KIAA1217: variants seen among roughly 807,000 people sequenced by gnomAD.
KIAA1217 encodes the protein sickle tail protein homolog.
A neutral mutation model predicts 163.9 loss-of-function variants in KIAA1217; 88 were observed. The ratio of observed to expected loss-of-function variants is 0.54; its 90% CI spans 0.45 to 0.64. The LOEUF (loss-of-function observed/expected upper bound fraction) is 0.64, where lower values mean the gene tolerates loss of function less well. KIAA1217 is among the 30% of genes least tolerant of loss of function. The pLI, the probability that KIAA1217 is intolerant of heterozygous loss-of-function variation, is 0.00. For missense variants in KIAA1217, 2,372 were observed against 2,475.0 expected (o/e 0.96, Z 0.88); for synonymous variants, 903 against 923.1 (o/e 0.98, Z 0.39).
chr10:23,937,753 A>G (rs1843593347), intron 1 of KIAA1217, among the ~76,000 whole-genome samples: 3 of 152,272 alleles, frequency 2.0e-5, no homozygotes, highest in South Asian at 4.1e-4. Flanking sequence ...TACCTTCCCA[A>G]TAAAAACAAC....
At chr10:24,147,264 A>T (rs938846890) in intron 2 of KIAA1217, among the ~76,000 whole-genome samples, 3 of 152,152 alleles carry the variant, frequency 2.0e-5, no homozygotes, top group African/African-American at 7.2e-5. Context: ...TTATTTTTGC[A>T]GTTCAGTGGG....
At chr10:24,010,252 C>G (rs1217187521) in intron 2 of KIAA1217, among the ~76,000 whole-genome samples, 1 of 151,688 alleles carries the variant, frequency 6.6e-6, no homozygotes, top group Non-Finnish European at 1.5e-5. Flanking sequence ...GTCTCAATGG[C>G]TCTGTATCCC....
At chr10:24,537,033 A>C in intron 17 of KIAA1217, 140 bp downstream of exon 17, 1 of 978,602 alleles carries the variant, frequency 1.0e-6, no homozygotes, top group East Asian at 2.7e-5. Context: ...AGACACAGGC[A>C]TAGGTTAAAA....
chr10:24,413,304 G>C (rs895075310), intron 3 of KIAA1217, among the ~76,000 whole-genome samples: 8 of 152,128 alleles, frequency 5.3e-5, no homozygotes, highest in African/African-American at 1.9e-4. Context: ...TCCTGTCTCA[G>C]CCTCCCGAGT....
intron 2 of KIAA1217, among the ~76,000 whole-genome samples, chr10:24,246,375 A>C (rs1276802057): frequency 2.0e-5 from 3 of 152,330 alleles, no homozygotes; most frequent in African/African-American, 2.4e-5. Flanking sequence ...GTATCTGTGC[A>C]TGTGGGAACG....
chr10:24,071,835 A>G (rs561463322), intron 2 of KIAA1217, among the ~76,000 whole-genome samples: 22 of 152,340 alleles, frequency 1.4e-4, no homozygotes, highest in African/African-American at 5.0e-4. Flanking sequence ...ATGGGGAACT[A>G]TAACACAGAG....
intron 1 of KIAA1217, among the ~76,000 whole-genome samples, chr10:23,857,268 A>G (rs1319848251): frequency 6.6e-6 from 1 of 152,222 alleles, no homozygotes; most frequent in Non-Finnish European, 1.5e-5. Context: ...AGAACATCTT[A>G]TTCCTCAGAC....
chr10:24,436,757 C>CAAAAAAAAAAAAA (rs10560676), intron 4 of KIAA1217, among the ~76,000 whole-genome samples: 6 of 70,868 alleles, frequency 8.5e-5, no homozygotes, highest in Admixed American at 2.2e-4. Flanking sequence ...GACTCCGTCT[C>CAAAAAAAAAAAAA]AAAAAAAAAA....
chr10:23,759,881 C>G (rs1228819718), intron 1 of KIAA1217, among the ~76,000 whole-genome samples: 5 of 152,142 alleles, frequency 3.3e-5, no homozygotes, highest in Admixed American at 2.6e-4. Flanking sequence ...TATATCCACA[C>G]CTACATCATG....
At chr10:23,894,975 G>T (rs929622486) in intron 1 of KIAA1217, among the ~76,000 whole-genome samples, 5 of 151,988 alleles carry the variant, frequency 3.3e-5, no homozygotes, top group South Asian at 2.1e-4. Context: ...CCTTACACCT[G>T]ATACAAAAAT....
At chr10:24,470,468 G>C (rs2063389675) in intron 5 of KIAA1217, among the ~76,000 whole-genome samples, 1 of 152,200 alleles carries the variant, frequency 6.6e-6, no homozygotes, top group Non-Finnish European at 1.5e-5. Context: ...CGCACCTGGA[G>C]CCTGACCTCG....
intron 1 of KIAA1217, among the ~76,000 whole-genome samples, chr10:23,932,675 C>T (rs1455778241): frequency 6.6e-6 from 1 of 152,106 alleles, no homozygotes; most frequent in Non-Finnish European, 1.5e-5. Context: ...CTGACATTTA[C>T]TATTTGTTTT....
At chr10:23,808,034 C>T (rs967044083) in intron 1 of KIAA1217, among the ~76,000 whole-genome samples, 3 of 152,278 alleles carry the variant, frequency 2.0e-5, no homozygotes, top group East Asian at 1.9e-4. Flanking sequence ...CTGGTGCCAT[C>T]GGAAAAAGAT....
rs111349025 is a variant in KIAA1217 at position 24,434,181 on chromosome 10, C to T, written c.752+988C>T. ...CCTCCCAAGTAGCTGGGATTACAGG[C>T]GCCCACCACCAGGCCCAGCTAATTT... On this transcript the variant is annotated intron_variant, in intron 4 of 20. Transcript: ENST00000376454. Among the ~76,000 whole-genome samples, 14 of 151,930 alleles carry T rather than the reference C, an allele frequency of 9.2e-5. 1 individual carries two copies. The highest frequency in any genetic ancestry group is 2.4e-4 in the African/African-American group (10 of 41,442).
intron 1 of KIAA1217, among the ~76,000 whole-genome samples, chr10:23,898,798 A>G (rs1219520359): frequency 6.6e-6 from 1 of 151,506 alleles, no homozygotes; most frequent in Non-Finnish European, 1.5e-5. Flanking sequence ...GAATTTGACT[A>G]CTCTATATAC....
intron 1 of KIAA1217, among the ~76,000 whole-genome samples, chr10:23,720,650 C>G (rs1358899778): frequency 6.6e-6 from 1 of 152,176 alleles, no homozygotes; most frequent in Non-Finnish European, 1.5e-5. Flanking sequence ...TGGTTACTTC[C>G]TCTCCATCTT....
Position 24,201,770 on chromosome 10 carries a change from AC to A in KIAA1217, c.-170-17855del, listed in dbSNP as rs760658072. ...AATAAAATCACTGTAAAAATACTTA[AC>A]TTCTGAAGCACGTGACTGGCTTTCA... is the stretch of plus-strand genomic sequence containing the variant. On this transcript the variant is annotated intron_variant, in intron 2 of 18. Transcript: ENST00000376462. Among the ~76,000 whole-genome samples, 137 of 152,284 alleles carry A rather than the reference AC, an allele frequency of 9.0e-4. No individual in the cohort carries two copies. In the Middle Eastern group the frequency reaches 0.02, roughly 23 times the overall value.
intron 2 of KIAA1217, among the ~76,000 whole-genome samples, chr10:24,232,821 A>G (rs1018726669): frequency 1.9e-4 from 28 of 149,634 alleles, no homozygotes; most frequent in Non-Finnish European, 3.6e-4. Context: ...GGCATTGAAC[A>G]TTATATAAAA....
chr10:24,195,100 C>T (rs2066922428), intron 2 of KIAA1217, among the ~76,000 whole-genome samples: 1 of 152,094 alleles, frequency 6.6e-6, no homozygotes, highest in Non-Finnish European at 1.5e-5. Flanking sequence ...GCAGATTCCT[C>T]CAGGCAACCC....
Sources: allele counts gnomAD v4.1 joint callset (sites outside exome capture counted in the v4.1 genomes callset), GRCh38; gene constraint gnomAD v4.1.1; transcripts MANE v1.5; gene names NCBI Gene and HGNC (gene_info 2026-07-23, HGNC 2026-07-21).